The following SPNS2 variants were observed in gnomAD, a reference collection of about 807,000 sequenced individuals.
SPNS2 encodes the protein sphingosine-1-phosphate transporter SPNS2.
A neutral mutation model predicts 57.6 loss-of-function variants in SPNS2; 37 were observed. That is an observed-to-expected ratio of 0.64 (90% CI 0.49 to 0.85). The LOEUF (loss-of-function observed/expected upper bound fraction) is 0.85, where lower values mean the gene tolerates loss of function less well. SPNS2 is among the 40% of genes least tolerant of loss of function. The pLI is 0.00. For missense variants in SPNS2, 831 were observed against 779.1 expected, an observed-to-expected ratio of 1.07 and a Z score of -0.79; for synonymous variants, 440 against 346.9, an observed-to-expected ratio of 1.27 and a Z score of -2.98.
rs114730257 is a variant in SPNS2, at chr17:4,514,274, G to T, written c.436+962G>T. 4.5e-3 allele frequency among the ~76,000 whole-genome samples: 679 copies of T among 152,334 alleles called. 8 individuals carry two copies. Among genetic ancestry groups the T allele is most frequent in the African/African-American group, 0.016 (663 of 41,582 alleles). ...GGGCCCTTGGCCCTGGAGTCCATCT[G>T]GCTGTGAGCCCCCGTCAGATGCAGG... On this transcript the variant is annotated intron_variant, in intron 2 of 12. Transcript: ENST00000329078.
In SPNS2 at chr17:4,538,450, G is replaced by A; in HGVS notation, c.*1002G>A. ...GCCCCTACCCAAACACTGGCTGCTGGCATTCCACCAAGTGACCCCAGGGGG... is the reference window on the plus strand; with the variant it reads ...GCCCCTACCCAAACACTGGCTGCTGACATTCCACCAAGTGACCCCAGGGGG... On this transcript the variant is annotated 3_prime_UTR_variant, in exon 13 of 13. Transcript: ENST00000329078. The A allele has an allele frequency of 5.2e-6, 1 of 190,988 alleles. No individual in the cohort carries two copies. The highest frequency in any genetic ancestry group is 5.9e-5 in the Admixed American group (1 of 16,838). The allele number at this position is 190,988 out of a possible 1,614,324, so 11.8% of individuals were successfully genotyped here. A position where few individuals can be genotyped will look rare whatever the true frequency, so the allele number is the denominator to read the frequency against.
At chr17:4,534,129 G>T (rs1905642496) in intron 9 of SPNS2, among the ~76,000 whole-genome samples, 1 of 152,328 alleles carries the variant, frequency 6.6e-6, no homozygotes, top group South Asian at 2.1e-4. Flanking sequence ...GAGGCTGGCG[G>T]TGCCAGGCTG....
Position 4,512,934 on chromosome 17 carries a change from C to G in SPNS2, c.371-313C>G, listed in dbSNP as rs371745461. ...TATTGCACTGATCCACGGCCTGGGC[C>G]GCAGGTAGGGAAGAGGCCCAAGCTG... On this transcript the variant is annotated intron_variant, in intron 1 of 12. Transcript: ENST00000329078. The surrounding 1 kb of genome is among the most constrained non-coding windows in gnomAD (Gnocchi z 5.2). Among the ~76,000 whole-genome samples, 3 of 152,310 alleles carry G rather than the reference C, an allele frequency of 2.0e-5. No individual in the cohort carries two copies. In the South Asian group the frequency reaches 6.2e-4, roughly 32 times the overall value.
At position 4,510,094 on chromosome 17, in the gene SPNS2, T is replaced by TGCCAGCG. The variant is rs1185833464; in HGVS notation, c.371-3144_371-3138dup. Among the ~76,000 whole-genome samples the TGCCAGCG allele has an allele frequency of 1.3e-5, 2 of 152,244 alleles. No individual in the cohort carries two copies. The highest frequency in any genetic ancestry group is 4.8e-5 in the African/African-American group (2 of 41,468). ...GAGCTGCTGTGACACACGCTTCCCG[T>TGCCAGCG]GCCAGCGGCCAGCGGGATCTCACCC... is the stretch of plus-strand genomic sequence containing the variant. On this transcript the variant is annotated intron_variant, in intron 1 of 12. Coordinates refer to ENST00000329078, the MANE Select transcript of SPNS2 (RefSeq NM_001124758.3). The surrounding 1 kb of genome is among the most constrained non-coding windows in gnomAD (Gnocchi z 4.4).
At position 4,530,817 on chromosome 17, in the gene SPNS2, A is replaced by G. The variant is rs747750568; in HGVS notation, c.725+34A>G. 7.5e-6 allele frequency: 12 copies of G among 1,599,400 alleles called. No individual in the cohort carries two copies. In the South Asian group the frequency reaches 1.1e-4, roughly 15 times the overall value. On this transcript the variant is annotated intron_variant, in intron 4 of 12. Coordinates refer to ENST00000329078, the MANE Select transcript of SPNS2 (RefSeq NM_001124758.3). The stretch of plus-strand genomic sequence containing the variant: ...CGGAGATGCCAGGGTCTGGGTGAGG[A>G]TCTGGGCAAGGTTCCCTTGGACTTC...
chr17:4,522,290 G>A (rs1476880806), intron 2 of SPNS2, among the ~76,000 whole-genome samples: 2 of 152,354 alleles, frequency 1.3e-5, no homozygotes, highest in East Asian at 3.9e-4. Context: ...ACCACTGAAG[G>A]TGAGACACAG....
At chr17:4,507,406 CTAGT>C (rs920297686) in intron 1 of SPNS2, among the ~76,000 whole-genome samples, 2 of 152,228 alleles carry the variant, frequency 1.3e-5, no homozygotes, top group African/African-American at 4.8e-5. Context: ...TCCTGTCCCA[CTAGT>C]TAATTACAAA....
rs754144328 is a variant in SPNS2 at position 4,536,286 on chromosome 17, C to T, written c.1467C>T (p.Ser489=). The part of the protein sequence containing the change: ...IGFISDLIRQ[S]TKDSPLWEFL... ...AGATCTCAGACCTGATCCGCCAGAG[C>T]ACTAAGGACTCCCCGCTCTGGGAGT... The change falls in exon 11 of 13, where the codon AGC becomes AGT. Residue 489 remains serine, a synonymous_variant. Coordinates refer to ENST00000329078, the MANE Select transcript of SPNS2 (RefSeq NM_001124758.3). 6.8e-6 allele frequency: 11 copies of T among 1,612,532 alleles called. No individual in the cohort carries two copies. In the East Asian group the frequency reaches 8.9e-5, roughly 13 times the overall value.
chr17:4,536,561 G>C (rs986627592), intron 11 of SPNS2, 135 bp downstream of exon 11: 2 of 1,170,448 alleles, frequency 1.7e-6, no homozygotes, highest in Non-Finnish European at 2.4e-6. Flanking sequence ...CTGGTTGCTG[G>C]GGTCCAGCCC....
rs1389601877 is a variant in SPNS2, at chr17:4,536,163, C to T, written c.1432C>T (p.Leu478Phe). ...GCTGGGGGACGCCGGGAGCCCCTAC[C>T]TCATTGGCTTTGTGAGTAGCCCCGG... ...HLLGDAGSPY[L>F]IGFISDLIRQ... Residue 478 changes from leucine (L) to phenylalanine (F), a missense_variant, in exon 10 of 13, where the codon CTC (leucine) becomes TTC (phenylalanine). Leu to Phe is a conservative substitution (Grantham distance 22, BLOSUM62 0). Transcript: ENST00000329078. 3.7e-6 allele frequency: 6 copies of T among 1,612,052 alleles called. No homozygotes were observed. Among genetic ancestry groups the T allele is most frequent in the South Asian group, 1.1e-5 (1 of 91,058 alleles).
chr17:4,506,663 C>T (rs1904686032), intron 1 of SPNS2, among the ~76,000 whole-genome samples: 1 of 152,160 alleles, frequency 6.6e-6, no homozygotes, highest in Non-Finnish European at 1.5e-5. Context: ...TGGTGTCTCT[C>T]TAGGGCTAGC....
chr17:4,520,156 G>C (rs1458217099), intron 2 of SPNS2, among the ~76,000 whole-genome samples: 1 of 152,238 alleles, frequency 6.6e-6, no homozygotes, highest in Non-Finnish European at 1.5e-5. Flanking sequence ...CTGTTAGATA[G>C]GGATGGACGT....
chr17:4,515,613 C>G (rs532626110), intron 2 of SPNS2, among the ~76,000 whole-genome samples: 1 of 152,228 alleles, frequency 6.6e-6, no homozygotes, highest in Non-Finnish European at 1.5e-5. Context: ...AGAAGCCAGT[C>G]GAGTAGACCA....
chr17:4,501,865 A>G (rs1235009639), intron 1 of SPNS2, among the ~76,000 whole-genome samples: 1 of 152,054 alleles, frequency 6.6e-6, no homozygotes, highest in Non-Finnish European at 1.5e-5. Context: ...CCAAAGATGG[A>G]AGGGAGGTCC....
chr17:4,510,941 A>T lies in SPNS2; in HGVS notation c.371-2306A>T, dbSNP rs1232263195. Among the ~76,000 whole-genome samples, 2 of 152,196 alleles carry T rather than the reference A, an allele frequency of 1.3e-5. No homozygotes were observed. The highest frequency in any genetic ancestry group is 2.4e-5 in the African/African-American group (1 of 41,448). On this transcript the variant is annotated intron_variant, in intron 1 of 12. Transcript: ENST00000329078. The surrounding 1 kb of genome is among the most constrained non-coding windows in gnomAD (Gnocchi z 4.4). ...TTTCAGATCTCACCTCCAAAACAGA[A>T]TGTACTGTGTGACAAATTACTTCAT...
chr17:4,532,641 G>T lies in SPNS2; in HGVS notation c.892G>T (p.Ala298Ser). 6.2e-7 allele frequency: 1 copy of T among 1,614,100 alleles called. No individual in the cohort carries two copies. The highest frequency in any genetic ancestry group is 8.5e-7 in the Non-Finnish European group (1 of 1,180,030). ...CGACCAGCTCGGGGACCAGCTCAAG[G>T]CCCGGACCTCATGGCTCCGAGATAT... ...HADQLGDQLK[A>S]RTSWLRDMKA... Residue 298 changes from alanine to serine, a missense_variant, in exon 6 of 13, where the codon GCC becomes TCC. Coordinates refer to ENST00000329078, the MANE Select transcript of SPNS2 (RefSeq NM_001124758.3).
rs754531478 is a variant in SPNS2 at position 4,533,111 on chromosome 17, C to T, written c.1070C>T (p.Pro357Leu). Reference sequence around the variant, plus strand: ...ACAGCAGAGACGTGCAACAGCCCGCCCTGTGGGGCCAAGGACAGGTGGGGC... The same window carrying T: ...ACAGCAGAGACGTGCAACAGCCCGCTCTGTGGGGCCAAGGACAGGTGGGGC... Reference protein sequence around the residue: ...QKTAETCNSPPCGAKDSLIFG... With the variant: ...QKTAETCNSPLCGAKDSLIFG... The change falls in exon 7 of 13, where the codon CCC (proline) becomes CTC (leucine). Residue 357 changes from proline (P) to leucine (L), a missense_variant. By Grantham distance (98) the Pro-to-Leu change is moderately conservative. Around this residue, in one of 2 missense-constraint regions of SPNS2, gnomAD observed 526 missense variants for 400.9 expected, o/e 1.31. Coordinates refer to ENST00000329078, the MANE Select transcript of SPNS2 (RefSeq NM_001124758.3). 1.6e-5 allele frequency: 26 copies of T among 1,611,348 alleles called. No individual in the cohort carries two copies. The highest frequency in any genetic ancestry group is 2.0e-5 in the Non-Finnish European group (24 of 1,178,920).
rs960601027 is a variant in SPNS2, at chr17:4,532,568, A to G, written c.819A>G (p.Thr273=). ...TGTCCCCTGTCCTGGGCATGATCACAGGAACACTCATCCTCATTCTGGTCC... is the reference window on the plus strand; with the variant it reads ...TGTCCCCTGTCCTGGGCATGATCACGGGAACACTCATCCTCATTCTGGTCC... ...LRVSPVLGMI[T]GTLILILVPA... The change falls in exon 6 of 13, where the codon ACA becomes ACG. Residue 273 remains threonine (T), a synonymous_variant. Coordinates refer to ENST00000329078, the MANE Select transcript of SPNS2 (RefSeq NM_001124758.3). 1.6e-5 allele frequency: 26 copies of G among 1,613,970 alleles called. No homozygotes were observed. The highest frequency in any genetic ancestry group is 2.2e-5 in the Non-Finnish European group (26 of 1,180,028).
intron 3 of SPNS2, among the ~76,000 whole-genome samples, chr17:4,527,160 T>G (rs2144352365): frequency 6.6e-6 from 1 of 152,322 alleles, no homozygotes; most frequent in East Asian, 1.9e-4. Flanking sequence ...AAATCACAAT[T>G]TGCATCCCAT....
Sources: gnomAD v4.1 joint callset for allele counts (sites outside exome capture counted in the v4.1 genomes callset) on GRCh38, gnomAD v4.1.1 for gene constraint, gnomAD v4.1.1 regional missense constraint, Gnocchi (gnomAD v3.1) non-coding constraint, MANE v1.5 for transcripts, NCBI Gene and HGNC (gene_info 2026-07-23, HGNC 2026-07-21) for gene names.